The following SLCO3A1 variants were observed in gnomAD, a reference collection of about 807,000 sequenced individuals.
The protein encoded by SLCO3A1 is PGE1 transporter.
A neutral mutation model predicts 63.1 loss-of-function variants in SLCO3A1; 27 were observed. That is an observed-to-expected ratio of 0.43 (90% CI 0.32 to 0.59). SLCO3A1 has a LOEUF of 0.59. Ranked by LOEUF, SLCO3A1 falls within the 20% of genes least tolerant of loss-of-function variation. The pLI is 0.09. For missense variants in SLCO3A1, 773 were observed against 945.8 expected (o/e 0.82, Z 2.40); for synonymous variants, 473 against 409.9 (o/e 1.15, Z -1.86).
intron 9 of SLCO3A1, among the ~76,000 whole-genome samples, chr15:92,159,918 G>T (rs1434459984): frequency 6.6e-6 from 1 of 152,008 alleles, no homozygotes; most frequent in East Asian, 1.9e-4. Flanking sequence ...CCTTTATGTT[G>T]CAAATTTCCT....
At chr15:91,914,660 C>T (rs971610513) in intron 1 of SLCO3A1, among the ~76,000 whole-genome samples, 10 of 151,186 alleles carry the variant, frequency 6.6e-5, no homozygotes, top group Admixed American at 2.0e-4. Flanking sequence ...ACCGCCGCCT[C>T]CAGGGTTCAA....
At chr15:92,161,540 G>A (rs977046952) in intron 9 of SLCO3A1, 1 of 152,216 alleles carries the variant, frequency 6.6e-6, no homozygotes, top group East Asian at 1.9e-4. Flanking sequence ...TTTCAAAACT[G>A]GTTACCAACT....
At position 91,900,544 on chromosome 15, in the gene SLCO3A1, G is replaced by A. The variant is rs1168513179; in HGVS notation, c.181-15449G>A. 6.6e-6 allele frequency among the ~76,000 whole-genome samples: 1 copy of A among 152,136 alleles called. No homozygotes were observed. Among genetic ancestry groups the A allele is most frequent in the African/African-American group, 2.4e-5 (1 of 41,426 alleles). The stretch of plus-strand genomic sequence containing the variant: ...GGGTTTCACCATGTTGGCCAGGCTT[G>A]TCTCAAACTGCTGACCTCAGGTGAT... On this transcript the variant is annotated intron_variant, in intron 1 of 9. Coordinates refer to ENST00000318445, the MANE Select transcript of SLCO3A1 (RefSeq NM_013272.4). The surrounding 1 kb of genome is among the most constrained non-coding windows in gnomAD (Gnocchi z 4.3).
chr15:92,010,895 A>G (rs2046361614), intron 2 of SLCO3A1, among the ~76,000 whole-genome samples: 1 of 152,146 alleles, frequency 6.6e-6, no homozygotes, highest in Non-Finnish European at 1.5e-5. Flanking sequence ...CACCACCTCC[A>G]TCACCAGCTG....
At chr15:92,070,024 G>C (rs1215597283) in intron 2 of SLCO3A1, among the ~76,000 whole-genome samples, 1 of 152,218 alleles carries the variant, frequency 6.6e-6, no homozygotes, top group East Asian at 1.9e-4. Flanking sequence ...CTATTCTGTT[G>C]CGTTGGCATC....
intron 2 of SLCO3A1, among the ~76,000 whole-genome samples, chr15:92,015,094 T>G (rs932463276): frequency 3.9e-5 from 6 of 152,056 alleles, no homozygotes; most frequent in African/African-American, 1.2e-4. Flanking sequence ...TAGTTTCAGG[T>G]GGGAGAGCTC....
intron 2 of SLCO3A1, among the ~76,000 whole-genome samples, chr15:92,036,439 G>A (rs1379812100): frequency 6.6e-6 from 1 of 150,898 alleles, no homozygotes; most frequent in Non-Finnish European, 1.5e-5. Flanking sequence ...AAGAATTAAG[G>A]GACTCTAGCT....
intron 2 of SLCO3A1, among the ~76,000 whole-genome samples, chr15:92,039,865 A>C (rs4499213): frequency 0.83 from 125,934 of 152,164 alleles, 52,249 homozygotes; most frequent in Admixed American, 0.9. Flanking sequence ...ACATATACAC[A>C]GTGGAATACC....
intron 1 of SLCO3A1, among the ~76,000 whole-genome samples, chr15:91,911,199 C>G (rs954972260): frequency 2.0e-5 from 3 of 152,154 alleles, no homozygotes; most frequent in Non-Finnish European, 2.9e-5. Context: ...CCCAACATTT[C>G]CCACATGAGG....
intron 1 of SLCO3A1, among the ~76,000 whole-genome samples, chr15:91,869,097 T>C (rs1897234452): frequency 6.6e-6 from 1 of 152,158 alleles, no homozygotes; most frequent in African/African-American, 2.4e-5. Flanking sequence ...CTCTAGCCCC[T>C]TCTAATTAAG....
chr15:91,957,034 AT>A lies in SLCO3A1; in HGVS notation c.646+40577del. ...TAATATATAGTATATATAATATATAATATATAGTATATATATAATATATACT... is the reference window on the plus strand; with the variant it reads ...TAATATATAGTATATATAATATATAAATATAGTATATATATAATATATACT... On this transcript the variant is annotated intron_variant, in intron 2 of 9. Transcript: ENST00000318445. Among the ~76,000 whole-genome samples the A allele has an allele frequency of 1.5e-3, 2 of 1,308 alleles. 1 individual carries two copies. The highest frequency in any genetic ancestry group is 0.038 in the East Asian group (2 of 52). 0.9% of individuals were successfully genotyped at this position (1,308 alleles called of 152,430 possible).
At position 91,872,824 on chromosome 15, in the gene SLCO3A1, A is replaced by G. The variant is rs1420043098; in HGVS notation, c.180+18736A>G. 1.3e-5 allele frequency among the ~76,000 whole-genome samples: 2 copies of G among 152,232 alleles called. No individual in the cohort carries two copies. Among genetic ancestry groups the G allele is most frequent in the African/African-American group, 4.8e-5 (2 of 41,456 alleles). On this transcript the variant is annotated intron_variant, in intron 1 of 9. Transcript: ENST00000318445. This position sits in a 1 kb window ranked among gnomAD's most constrained non-coding sequence, Gnocchi z 4.1. ...TTTACTGGGACCAGAGAATAACTTC[A>G]CCAGGGCCAGAGAATCTGTTCTCTG...
intron 2 of SLCO3A1, among the ~76,000 whole-genome samples, chr15:91,998,559 T>C (rs2046218143): frequency 1.3e-5 from 2 of 151,986 alleles, no homozygotes; most frequent in Admixed American, 1.3e-4. Flanking sequence ...TCACTAATTA[T>C]CAGAAAAATG....
chr15:91,944,029 G>T (rs1318318571), intron 2 of SLCO3A1, among the ~76,000 whole-genome samples: 2 of 152,118 alleles, frequency 1.3e-5, no homozygotes, highest in Non-Finnish European at 2.9e-5. Flanking sequence ...CGTGCCATTT[G>T]CTACCTGCAC....
chr15:92,114,386 G>A (rs758720021), intron 4 of SLCO3A1, among the ~76,000 whole-genome samples: 14 of 152,028 alleles, frequency 9.2e-5, no homozygotes, highest in Non-Finnish European at 1.8e-4. Context: ...CTCTTACGGG[G>A]CGTGGTGCTC....
intron 9 of SLCO3A1, among the ~76,000 whole-genome samples, chr15:92,160,852 G>T (rs2048428112): frequency 1.3e-5 from 2 of 152,168 alleles, no homozygotes; most frequent in African/African-American, 2.4e-5. Context: ...GCCTTTGGAG[G>T]CCCCACAGAA....
chr15:92,058,063 A>G (rs1439251920), intron 2 of SLCO3A1, among the ~76,000 whole-genome samples: 1 of 152,188 alleles, frequency 6.6e-6, no homozygotes, highest in Non-Finnish European at 1.5e-5. Flanking sequence ...ACAGCGGGTA[A>G]GGGGTCAGCT....
At chr15:91,879,301 T>C (rs1897490483) in intron 1 of SLCO3A1, among the ~76,000 whole-genome samples, 1 of 103,800 alleles carries the variant, frequency 9.6e-6, no homozygotes, top group Non-Finnish European at 2.1e-5. Context: ...TTATTTTTTC[T>C]GCCTTTTTTT....
In SLCO3A1 at chr15:91,916,594, C is replaced by T. The variant is rs528218079; in HGVS notation, c.646+136C>T. ...GCACACCTAGTGTTCTTGAAAAATA[C>T]TCATGCCTGGGGGTGCAACCTGGGC... On this transcript the variant is annotated intron_variant, in intron 2 of 9. Coordinates refer to ENST00000318445, the MANE Select transcript of SLCO3A1 (RefSeq NM_013272.4). This position sits in a 1 kb window ranked among gnomAD's most constrained non-coding sequence, Gnocchi z 6.2. 1.5e-6 allele frequency: 1 copy of T among 682,460 alleles called. No individual in the cohort carries two copies. The highest frequency in any genetic ancestry group is 2.1e-5 in the South Asian group (1 of 48,156). 42.3% of individuals were successfully genotyped at this position (682,460 alleles called of 1,614,324 possible).
Sources: gnomAD v4.1 joint callset for allele counts (sites outside exome capture counted in the v4.1 genomes callset) on GRCh38, gnomAD v4.1.1 for gene constraint, Gnocchi (gnomAD v3.1) non-coding constraint, MANE v1.5 for transcripts, NCBI Gene and HGNC (gene_info 2026-07-23, HGNC 2026-07-21) for gene names.